The following PDGFC variants were observed in gnomAD, a reference collection of about 807,000 sequenced individuals.
The protein encoded by PDGFC is platelet derived growth factor C.
In PDGFC, 12 loss-of-function variants were observed where a neutral mutation model predicts 35.5. That is an observed-to-expected ratio of 0.34 (90% CI 0.22 to 0.55). The LOEUF (loss-of-function observed/expected upper bound fraction) is 0.55, where lower values mean the gene tolerates loss of function less well. Ranked by LOEUF, PDGFC falls within the 20% of genes least tolerant of loss-of-function variation. The pLI, the probability that PDGFC is intolerant of heterozygous loss-of-function variation, is 0.91. For synonymous variants in PDGFC, 159 were observed against 148.8 expected (o/e 1.07, Z -0.50); for missense variants, 322 against 412.4 (o/e 0.78, Z 1.90).
chr4:156,846,327 C>G (rs1214027626), intron 2 of PDGFC, among the ~76,000 whole-genome samples: 1 of 151,736 alleles, frequency 6.6e-6, no homozygotes, highest in Non-Finnish European at 1.5e-5. Flanking sequence ...GAAATACTTA[C>G]AAAGAGCATT....
chr4:156,967,592 C>T (rs560692418), intron 1 of PDGFC: 1 of 152,304 alleles, frequency 6.6e-6, no homozygotes, highest in African/African-American at 2.4e-5. Context: ...GTAGAAGAGG[C>T]ATTCCTCCAC....
At chr4:156,856,773 A>G (rs185813480) in intron 1 of PDGFC, among the ~76,000 whole-genome samples, 42 of 152,268 alleles carry the variant, frequency 2.8e-4, no homozygotes, top group Non-Finnish European at 5.4e-4. Flanking sequence ...TATGATAAAG[A>G]TAATATGATT....
intron 2 of PDGFC, among the ~76,000 whole-genome samples, chr4:156,832,046 T>A (rs1728948749): frequency 6.6e-6 from 1 of 152,084 alleles, no homozygotes; most frequent in African/African-American, 2.4e-5. Flanking sequence ...AAATTTTTTT[T>A]CTAGTTTCTC....
intron 3 of PDGFC, among the ~76,000 whole-genome samples, chr4:156,789,139 T>C (rs1731219135): frequency 6.6e-6 from 1 of 152,210 alleles, no homozygotes; most frequent in South Asian, 2.1e-4. Context: ...TCTGAAAACA[T>C]TTATTTTCTG....
chr4:156,902,362 A>T (rs146575854), intron 1 of PDGFC, among the ~76,000 whole-genome samples: 2,489 of 152,280 alleles, frequency 0.016, 75 homozygotes, highest in African/African-American at 0.057. Context: ...ACTAACATAA[A>T]GTCACAGTTG....
At chr4:156,964,154 A>G (rs1476939250) in intron 1 of PDGFC, among the ~76,000 whole-genome samples, 4 of 151,894 alleles carry the variant, frequency 2.6e-5, no homozygotes, top group Admixed American at 1.3e-4. Flanking sequence ...ATTGAGATGT[A>G]CTGTTAAATG....
intron 5 of PDGFC, among the ~76,000 whole-genome samples, chr4:156,763,663 A>G (rs1730445025): frequency 6.6e-6 from 1 of 152,240 alleles, no homozygotes; most frequent in Admixed American, 6.5e-5. Context: ...GGAAAGAAAC[A>G]TGATCACTCC....
At chr4:156,968,461 G>C (rs1732516836) in intron 1 of PDGFC, among the ~76,000 whole-genome samples, 1 of 152,084 alleles carries the variant, frequency 6.6e-6, no homozygotes, top group South Asian at 2.1e-4. Flanking sequence ...TCATAATTCA[G>C]TATGTGGGCA....
At chr4:156,909,387 C>G (rs1488005874) in intron 1 of PDGFC, among the ~76,000 whole-genome samples, 2 of 152,160 alleles carry the variant, frequency 1.3e-5, no homozygotes. Context: ...AGAATTCTCT[C>G]TTAGCATTGC....
chr4:156,794,636 A>C (rs1731391822), intron 3 of PDGFC, among the ~76,000 whole-genome samples: 1 of 152,056 alleles, frequency 6.6e-6, no homozygotes, highest in Non-Finnish European at 1.5e-5. Context: ...AAAAATATCT[A>C]TTTATATACC....
chr4:156,919,070 A>T (rs1288883057), intron 1 of PDGFC, among the ~76,000 whole-genome samples: 2 of 152,208 alleles, frequency 1.3e-5, no homozygotes, highest in African/African-American at 4.8e-5. Flanking sequence ...TGTTTTGTTT[A>T]CTTCTTTCCG....
At chr4:156,794,927 A>G (rs1411432679) in intron 3 of PDGFC, among the ~76,000 whole-genome samples, 1 of 152,184 alleles carries the variant, frequency 6.6e-6, no homozygotes, top group African/African-American at 2.4e-5. Context: ...TGCAGTATCA[A>G]GATGGAAACA....
chr4:156,966,480 C>A (rs890698430), intron 1 of PDGFC, among the ~76,000 whole-genome samples: 6 of 150,894 alleles, frequency 4.0e-5, no homozygotes, highest in African/African-American at 1.5e-4. Context: ...TTATGAATGT[C>A]TTAATTTGTT....
chr4:156,891,730 T>C (rs1247411498), intron 1 of PDGFC, among the ~76,000 whole-genome samples: 4 of 139,312 alleles, frequency 2.9e-5, no homozygotes, highest in African/African-American at 1.1e-4. Flanking sequence ...CTGAACAATA[T>C]AAACCTTTCT....
At chr4:156,956,649 G>C (rs983660377) in intron 1 of PDGFC, among the ~76,000 whole-genome samples, 1 of 151,942 alleles carries the variant, frequency 6.6e-6, no homozygotes, top group African/African-American at 2.4e-5. Flanking sequence ...GGATGACAGT[G>C]AGAATGAGGA....
chr4:156,876,341 A>C (rs2111158460), intron 1 of PDGFC: 1 of 152,086 alleles, frequency 6.6e-6, no homozygotes, highest in East Asian at 1.9e-4. Context: ...AGGTTCAAAA[A>C]GATGTGTTTC....
At chr4:156,829,607 A>G (rs548843466) in intron 2 of PDGFC, among the ~76,000 whole-genome samples, 122 of 152,234 alleles carry the variant, frequency 8.0e-4, no homozygotes, top group Admixed American at 1.4e-3. Context: ...TAGGATTCCT[A>G]CCATATCCTT....
At chr4:156,767,197 C>T (rs1217446668) in intron 5 of PDGFC, among the ~76,000 whole-genome samples, 1 of 151,948 alleles carries the variant, frequency 6.6e-6, no homozygotes, top group Non-Finnish European at 1.5e-5. Context: ...TTCTAAAAAA[C>T]AATAATTACT....
intron 2 of PDGFC, among the ~76,000 whole-genome samples, chr4:156,843,015 C>A (rs1222082774): frequency 6.6e-6 from 1 of 152,196 alleles, no homozygotes; most frequent in Non-Finnish European, 1.5e-5. Context: ...ACACACCCTC[C>A]TCTTCTTCCT....
Sources: gnomAD v4.1 joint callset for allele counts (sites outside exome capture counted in the v4.1 genomes callset) on GRCh38, gnomAD v4.1.1 for gene constraint, MANE v1.5 for transcripts, NCBI Gene and HGNC (gene_info 2026-07-23, HGNC 2026-07-21) for gene names.